Variants in GFM1 observed in about 807,000 individuals in gnomAD.
GFM1 encodes the protein elongation factor G, mitochondrial.
Under a neutral mutation model 96.2 loss-of-function variants are expected in GFM1, and 62 were observed. The observed-to-expected ratio is 0.64, with a 90% CI of 0.53 to 0.80. The LOEUF (loss-of-function observed/expected upper bound fraction) is 0.80. GFM1 is among the 30% of genes least tolerant of loss of function. The probability of loss-of-function intolerance (pLI) is 0.00; values close to 1 mark genes in which losing one functional copy is unlikely to be tolerated. For synonymous variants in GFM1, 282 were observed against 312.9 expected (o/e 0.90, Z 1.04); for missense variants, 852 against 916.6 (o/e 0.93, Z 0.91).
At chr3:158,669,100 G>C in intron 13 of GFM1, 1 of 1,613,620 alleles carries the variant, frequency 6.2e-7, no homozygotes, top group Non-Finnish European at 8.5e-7. Context: ...TGTAGAACGA[G>C]CGTCATTTCT....
intron 13 of GFM1, chr3:158,670,951 A>T: frequency 6.5e-7 from 1 of 1,535,338 alleles, no homozygotes; most frequent in East Asian, 2.4e-5. Flanking sequence ...AAGAAATTTA[A>T]CTTACTTTTT....
intron 1 of GFM1, chr3:158,644,968 A>T: frequency 1.1e-5 from 4 of 364,806 alleles, no homozygotes; most frequent in African/African-American, 2.3e-5. Context: ...TATTTTATCC[A>T]CCTTTTCTAA....
Position 158,682,075 on chromosome 3 carries a change from C to T in GFM1, c.1682C>T (p.Pro561Leu). Residue 561 changes from proline to leucine, a missense_variant, in exon 14 of 18, where the codon CCA (proline) becomes CTA (leucine). By Grantham distance (98) the Pro-to-Leu change is moderately conservative. Coordinates refer to ENST00000486715, the MANE Select transcript of GFM1 (RefSeq NM_024996.7). ...ATAGGTGTCCTGGAGCCTCTGGACC[C>T]AGAGGACTACACTAAATTGGAATTT... ...KVIGVLEPLD[P>L]EDYTKLEFSD... is the part of the protein sequence containing the mutation. The T allele has an allele frequency of 6.2e-7, 1 of 1,613,438 alleles. No homozygotes were observed. Among genetic ancestry groups the T allele is most frequent in the Non-Finnish European group, 8.5e-7 (1 of 1,179,604 alleles).
At chr3:158,669,291 T>C in intron 13 of GFM1, 1 of 1,180,096 alleles carries the variant, frequency 8.5e-7, no homozygotes, top group Non-Finnish European at 1.2e-6. Context: ...CTCTTTTTTG[T>C]TGGATTGGAT....
chr3:158,669,382 T>A, intron 13 of GFM1: 4 of 1,524,432 alleles, frequency 2.6e-6, no homozygotes, highest in Non-Finnish European at 3.6e-6. Context: ...ATAATTGAGA[T>A]TGATTTTAAG....
intron 13 of GFM1, among the ~76,000 whole-genome samples, chr3:158,671,300 G>A (rs1254801856): frequency 1.3e-5 from 2 of 152,190 alleles, no homozygotes; most frequent in African/African-American, 2.4e-5. Flanking sequence ...CCCTGGATCT[G>A]TGATCTTAAA....
At chr3:158,671,016 T>C in intron 13 of GFM1, 1 of 1,525,756 alleles carries the variant, frequency 6.6e-7, no homozygotes, top group Non-Finnish European at 8.8e-7. Flanking sequence ...CTTCCTGGAA[T>C]ATCCTAAAAT....
intron 13 of GFM1, among the ~76,000 whole-genome samples, chr3:158,676,987 G>A (rs531114307): frequency 1.3e-5 from 2 of 152,032 alleles, no homozygotes; most frequent in South Asian, 4.2e-4. Context: ...GGCATGAGCC[G>A]CCACGCCCGG....
At chr3:158,682,586 C>A (rs1725493354) in intron 14 of GFM1, among the ~76,000 whole-genome samples, 1 of 152,172 alleles carries the variant, frequency 6.6e-6, no homozygotes, top group African/African-American at 2.4e-5. Flanking sequence ...AGAACTGTTT[C>A]TTCATTTGTA....
At chr3:158,682,915 G>A (rs1232068889) in intron 14 of GFM1, among the ~76,000 whole-genome samples, 1 of 151,932 alleles carries the variant, frequency 6.6e-6, no homozygotes, top group East Asian at 1.9e-4. Context: ...CACACCTGTA[G>A]TCCCAGCTGC....
At chr3:158,685,582 C>G (rs1322116109) in intron 15 of GFM1, among the ~76,000 whole-genome samples, 1 of 152,140 alleles carries the variant, frequency 6.6e-6, no homozygotes, top group Admixed American at 6.6e-5. Context: ...GGTCACACTT[C>G]GCATCTGTGA....
At chr3:158,672,653 C>G (rs1484181531) in intron 13 of GFM1, 7 of 684,550 alleles carry the variant, frequency 1.0e-5, no homozygotes, top group Non-Finnish European at 1.4e-5. Flanking sequence ...CTGTTTGGGC[C>G]CAGGCTCCCT....
Position 158,658,411 on chromosome 3 carries a change from C to T in GFM1, c.1084-511C>T, listed in dbSNP as rs181593408. Among the ~76,000 whole-genome samples, 73 of 152,200 alleles carry T rather than the reference C, an allele frequency of 4.8e-4. No individual in the cohort carries two copies. In the South Asian group the frequency reaches 0.012, roughly 25 times the overall value. ...AACTCCTGACCTCAGGTGATCCGCT[C>T]GCCTCTGCCTCCCAGAGTGCTGGGA... On this transcript the variant is annotated intron_variant, in intron 8 of 17. Transcript: ENST00000486715.
chr3:158,690,842 C>A (rs1215950694), intron 16 of GFM1, among the ~76,000 whole-genome samples: 1 of 152,182 alleles, frequency 6.6e-6, no homozygotes, highest in Non-Finnish European at 1.5e-5. Context: ...CTTCTGAGTG[C>A]TTGAGCTGGG....
intron 1 of GFM1, among the ~76,000 whole-genome samples, chr3:158,645,305 A>G (rs1721681050): frequency 6.6e-6 from 1 of 152,200 alleles, no homozygotes; most frequent in Admixed American, 6.5e-5. Flanking sequence ...ATTTTCTATT[A>G]AAGTATTTTT....
intron 8 of GFM1, chr3:158,657,110 TAA>T (rs1722827804): frequency 6.6e-6 from 1 of 152,154 alleles, no homozygotes; most frequent in Non-Finnish European, 1.5e-5. Context: ...TTGGAAGTGT[TAA>T]GAGTGGTTAT....
intron 9 of GFM1, 59 bp downstream of exon 9, chr3:158,659,118 T>A: frequency 6.3e-7 from 1 of 1,579,244 alleles, no homozygotes; most frequent in Non-Finnish European, 8.7e-7. Context: ...AATAGACCCT[T>A]CTTGGTATCC....
Position 158,674,699 on chromosome 3 carries a change from A to C in GFM1, c.1602-7296A>C, listed in dbSNP as rs139549715. Reference sequence around the variant, plus strand: ...TTATTAATAACATGGCTTATATTTAAGCTTTTTCCTCTCTCCTTGAAAAGA... The same window carrying C: ...TTATTAATAACATGGCTTATATTTACGCTTTTTCCTCTCTCCTTGAAAAGA... On this transcript the variant is annotated intron_variant, in intron 13 of 17. Transcript: ENST00000486715. Among the ~76,000 whole-genome samples, 15 of 152,276 alleles carry C rather than the reference A, an allele frequency of 9.9e-5. No homozygotes were observed. The South Asian group carries it at 2.9e-3, about 29-fold the overall frequency.
intron 13 of GFM1, among the ~76,000 whole-genome samples, chr3:158,677,109 A>G (rs903462329): frequency 6.6e-6 from 1 of 152,118 alleles, no homozygotes; most frequent in Non-Finnish European, 1.5e-5. Context: ...TGTTATGGTG[A>G]TCTGTGATTG....
Sources: allele counts gnomAD v4.1 joint callset (sites outside exome capture counted in the v4.1 genomes callset), GRCh38; gene constraint gnomAD v4.1.1; transcripts MANE v1.5; gene names NCBI Gene and HGNC (gene_info 2026-07-23, HGNC 2026-07-21).